Variants in UNC80 observed in about 807,000 individuals in gnomAD.
UNC80 encodes the protein unc-80 subunit of NALCN channel complex.
Under a neutral mutation model 384.6 loss-of-function variants are expected in UNC80, and 164 were observed. The observed-to-expected ratio is 0.43, with a 90% confidence interval of 0.38 to 0.49. The LOEUF is 0.49. UNC80 is among the 20% of genes least tolerant of loss of function. The pLI is 0.00. For synonymous variants in UNC80, 1,486 were observed against 1,527.8 expected (o/e 0.97, Z 0.64); for missense variants, 3,330 against 4,143.0 (o/e 0.80, Z 5.39).
intron 28 of UNC80, 100 bp from the exon 29 acceptor site, chr2:209,904,665 G>A: frequency 9.8e-7 from 1 of 1,019,948 alleles, no homozygotes; most frequent in Non-Finnish European, 1.5e-6. Context: ...CACATCCAGG[G>A]AAGCTGACAT....
At chr2:209,879,263 C>A (rs1462347892) in intron 24 of UNC80, among the ~76,000 whole-genome samples, 1 of 152,162 alleles carries the variant, frequency 6.6e-6, no homozygotes, top group East Asian at 1.9e-4. Flanking sequence ...TAAGACCCAT[C>A]TAGCCAGAAG....
rs867320400 is a variant in UNC80 at position 209,995,371 on chromosome 2, A to G, written c.9751A>G (p.Thr3251Ala). ...TGAAGAAGGAGAAAAGGAGGAGGAC[A>G]CAGAAGCACAAGGTGCTACTGCACA... ...PTEEGEKEED[T>A]EAQGATAHSP... The change falls in exon 65 of 65, where the codon ACA becomes GCA. Residue 3251 changes from threonine to alanine, a missense_variant. Physicochemically the swap from Thr to Ala is moderately conservative, Grantham distance 58 (BLOSUM62 0). Around this residue, in one of 8 missense-constraint regions of UNC80, gnomAD observed 236 missense variants for 254.9 expected, o/e 0.93. Coordinates refer to ENST00000673920, the MANE Select transcript of UNC80 (RefSeq NM_001371986.1). 7.7e-6 allele frequency: 12 copies of G among 1,552,208 alleles called. No individual in the cohort carries two copies. The South Asian group carries it at 1.2e-4, about 15-fold the overall frequency.
rs1283729265 is a variant in UNC80 at position 209,995,468 on chromosome 2, A to G, written c.9848A>G (p.His3283Arg). Residue 3283 changes from histidine (H) to arginine (R), a missense_variant, in exon 65 of 65, where the codon CAT becomes CGT. By Grantham distance (29) the His-to-Arg change is conservative. Around this residue, in one of 8 missense-constraint regions of UNC80, gnomAD observed 236 missense variants for 254.9 expected, o/e 0.93. Transcript: ENST00000673920. ...CTCGAGACATCCAGCCTCCTACAGC[A>G]TGGAGACACTGTCCTTCATATCAGT... is the stretch of plus-strand genomic sequence containing the variant. Reference protein sequence around the residue: ...TGLETSSLLQHGDTVLHISEE... With the variant: ...TGLETSSLLQRGDTVLHISEE... 1.9e-6 allele frequency: 3 copies of G among 1,551,876 alleles called. No homozygotes were observed. In the Admixed American group the frequency reaches 5.9e-5, roughly 30 times the overall value.
intron 26 of UNC80, among the ~76,000 whole-genome samples, chr2:209,893,956 C>T (rs931026175): frequency 7.2e-5 from 11 of 152,140 alleles, no homozygotes; most frequent in South Asian, 2.1e-4. Context: ...TTCCCAGTTC[C>T]GATGAGCTTT....
At chr2:209,809,689 T>G in intron 7 of UNC80, 3 of 511,238 alleles carry the variant, frequency 5.9e-6, no homozygotes, top group Non-Finnish European at 1.0e-5. Context: ...TGCCACAGAA[T>G]TCCCTCCTGA....
In UNC80 at chr2:209,970,819, G is replaced by T. The variant is rs2092863495; in HGVS notation, c.8131-13G>T. ...ATAGTCAAGGCTGGTCATGTGCTCT[G>T]TTTGTATTTCAGGTGATGGGAGTGG... On this transcript the variant is annotated splice_polypyrimidine_tract_variant and intron_variant, in intron 53 of 64. Coordinates refer to ENST00000673920, the MANE Select transcript of UNC80 (RefSeq NM_001371986.1). 1.3e-6 allele frequency: 2 copies of T among 1,551,112 alleles called. No individual in the cohort carries two copies. The highest frequency in any genetic ancestry group is 4.9e-5 in the East Asian group (2 of 40,912).
chr2:209,955,732 TATATATAC>T (rs1375470598), intron 48 of UNC80, among the ~76,000 whole-genome samples: 6 of 63,822 alleles, frequency 9.4e-5, no homozygotes, highest in African/African-American at 3.2e-4. Flanking sequence ...TATATATATA[TATATATAC>T]ACACACACAC....
Position 209,976,240 on chromosome 2 carries a change from C to T in UNC80, c.8709C>T (p.Leu2903=), listed in dbSNP as rs925482894. Residue 2903 remains leucine (L), a synonymous_variant, in exon 57 of 65, where the codon CTC becomes CTT. Coordinates refer to ENST00000673920, the MANE Select transcript of UNC80 (RefSeq NM_001371986.1). This position sits in a 1 kb window ranked among gnomAD's most constrained non-coding sequence, Gnocchi z 4.3. ...GAGGCCTGGCCCTTTGGGATTTCCT[C>T]GACTTCATCGTGCGGACCCGAATAC... is the stretch of plus-strand genomic sequence containing the variant. ...KVGGLALWDF[L]DFIVRTRIPI... is the part of the protein sequence containing the mutation. 1.3e-6 allele frequency: 2 copies of T among 1,551,694 alleles called. No homozygotes were observed. Among genetic ancestry groups the T allele is most frequent in the African/African-American group, 1.4e-5 (1 of 73,142 alleles).
intron 17 of UNC80, 65 bp from the exon 18 acceptor site, chr2:209,834,847 T>C: frequency 7.7e-7 from 1 of 1,299,164 alleles, no homozygotes; most frequent in Non-Finnish European, 1.1e-6. Flanking sequence ...TTTTATGAAG[T>C]GTATGAAGTA....
chr2:209,943,500 C>G lies in UNC80; in HGVS notation c.7036C>G (p.Leu2346Val). 6.4e-7 allele frequency: 1 copy of G among 1,551,660 alleles called. No homozygotes were observed. The highest frequency in any genetic ancestry group is 2.4e-5 in the East Asian group (1 of 40,916). ...VLQLFASVAPLLEFPDAANNG... is the reference protein window; with the variant it reads ...VLQLFASVAPVLEFPDAANNG... ...CCAGCTGTTTGCTAGTGTGGCCCCT[C>G]TCCTGGAATTTCCTGTAAGTAAGCT... Residue 2346 changes from leucine to valine, a missense_variant, in exon 45 of 65, where the codon CTC becomes GTC. Transcript: ENST00000673920.
chr2:209,818,111 C>G (rs1282132307), intron 11 of UNC80, among the ~76,000 whole-genome samples, 159 bp downstream of exon 11: 1 of 152,156 alleles, frequency 6.6e-6, no homozygotes, highest in Non-Finnish European at 1.5e-5. Flanking sequence ...TTAGCATATC[C>G]TTAGTAGCAA....
chr2:209,888,049 T>G, intron 25 of UNC80, 46 bp from the exon 26 acceptor site: 1 of 1,547,764 alleles, frequency 6.5e-7, no homozygotes, highest in Non-Finnish European at 8.7e-7. Context: ...ACCAATGCAG[T>G]GCTGGGGAGA....
At chr2:209,943,979 G>C (rs2091783640) in intron 45 of UNC80, among the ~76,000 whole-genome samples, 1 of 152,104 alleles carries the variant, frequency 6.6e-6, no homozygotes, top group South Asian at 2.1e-4. Context: ...ACAATGGGTT[G>C]GTTTCCTGAG....
chr2:209,995,396 A>G lies in UNC80; in HGVS notation c.9776A>G (p.His3259Arg). Residue 3259 changes from histidine (H) to arginine (R), a missense_variant, in exon 65 of 65, where the codon CAC (histidine) becomes CGC (arginine). Physicochemically the swap from His to Arg is conservative, Grantham distance 29. Around this residue, in one of 8 missense-constraint regions of UNC80, gnomAD observed 236 missense variants for 254.9 expected, o/e 0.93. Coordinates refer to ENST00000673920, the MANE Select transcript of UNC80 (RefSeq NM_001371986.1). Reference sequence around the variant, plus strand: ...ACAGAAGCACAAGGTGCTACTGCACACAGTCCACTCTCTGCCCAACTCTCT... The same window carrying G: ...ACAGAAGCACAAGGTGCTACTGCACGCAGTCCACTCTCTGCCCAACTCTCT... ...EDTEAQGATA[H>R]SPLSAQLSDP... is the part of the protein sequence containing the mutation. 1 of 1,552,056 alleles carries G rather than the reference A, an allele frequency of 6.4e-7. No individual in the cohort carries two copies. The highest frequency in any genetic ancestry group is 8.7e-7 in the Non-Finnish European group (1 of 1,147,080).
At chr2:209,804,312 A>G (rs1273973470) in intron 7 of UNC80, among the ~76,000 whole-genome samples, 2 of 152,200 alleles carry the variant, frequency 1.3e-5, no homozygotes, top group South Asian at 2.1e-4. Context: ...GTCCTTGATT[A>G]AAACTCAGTG....
At chr2:209,787,284 C>G (rs1370700070) in intron 5 of UNC80, among the ~76,000 whole-genome samples, 1 of 150,754 alleles carries the variant, frequency 6.6e-6, no homozygotes, top group Non-Finnish European at 1.5e-5. Flanking sequence ...TAGTTTCCCA[C>G]TGTTCCTGGT....
At chr2:209,836,636 A>G (rs1290460759) in intron 18 of UNC80, among the ~76,000 whole-genome samples, 1 of 152,192 alleles carries the variant, frequency 6.6e-6, no homozygotes, top group Non-Finnish European at 1.5e-5. Flanking sequence ...TCAAACATGG[A>G]ACTTTTTCAT....
At chr2:209,780,911 TC>T (rs2077121972) in intron 4 of UNC80, among the ~76,000 whole-genome samples, 1 of 152,184 alleles carries the variant, frequency 6.6e-6, no homozygotes, top group Admixed American at 6.5e-5. Context: ...ACATTTTCTA[TC>T]CCTACCCAGA....
At chr2:209,849,395 T>A in intron 21 of UNC80, 56 bp from the exon 22 acceptor site, 1 of 1,536,532 alleles carries the variant, frequency 6.5e-7, no homozygotes. Flanking sequence ...TTTTTAAACC[T>A]GTGATCCTTT....
Sources: gnomAD v4.1 joint callset for allele counts (sites outside exome capture counted in the v4.1 genomes callset) on GRCh38, gnomAD v4.1.1 for gene constraint, gnomAD v4.1.1 regional missense constraint, Gnocchi (gnomAD v3.1) non-coding constraint, MANE v1.5 for transcripts, NCBI Gene and HGNC (gene_info 2026-07-23, HGNC 2026-07-21) for gene names.